SNX7: variants seen among roughly 807,000 people sequenced by gnomAD.
The protein encoded by SNX7 is sorting nexin-7.
SNX7 carries 35 observed loss-of-function variants against 48.4 expected under a neutral mutation model. That is an observed-to-expected ratio of 0.72 (90% CI 0.55 to 0.96). The LOEUF (loss-of-function observed/expected upper bound fraction) is 0.96. Among genes scored for constraint, SNX7 ranks in the 40% least tolerant of loss-of-function variants. SNX7 has a pLI of 0.00. For synonymous variants in SNX7, 190 were observed against 190.2 expected, an observed-to-expected ratio of 1.00 and a Z score of 0.01; for missense variants, 553 against 548.9, an observed-to-expected ratio of 1.01 and a Z score of -0.07.
chr1:98,731,669 C>G (rs1460356666), intron 7 of SNX7, among the ~76,000 whole-genome samples: 1 of 152,062 alleles, frequency 6.6e-6, no homozygotes, highest in African/African-American at 2.4e-5. Flanking sequence ...GTGGTGTAGC[C>G]TGTTGTTCCT....
intron 8 of SNX7, among the ~76,000 whole-genome samples, chr1:98,741,645 A>ATTTGG (rs1287230323): frequency 6.6e-6 from 1 of 152,218 alleles, no homozygotes; most frequent in Non-Finnish European, 1.5e-5. Context: ...ATGATTTCAA[A>ATTTGG]GTATATTGAT....
At chr1:98,724,719 A>G (rs914576734) in intron 7 of SNX7, among the ~76,000 whole-genome samples, 3 of 152,042 alleles carry the variant, frequency 2.0e-5, no homozygotes, top group African/African-American at 4.8e-5. Context: ...TCTTAGAGAG[A>G]GAACTGAAAT....
intron 6 of SNX7, among the ~76,000 whole-genome samples, chr1:98,700,715 G>C (rs1651702981): frequency 6.6e-6 from 1 of 151,990 alleles, no homozygotes; most frequent in Non-Finnish European, 1.5e-5. Flanking sequence ...TGCCTGGCCT[G>C]CTTTGAATGT....
chr1:98,695,221 T>C (rs1014588140), intron 4 of SNX7, among the ~76,000 whole-genome samples: 5 of 152,288 alleles, frequency 3.3e-5, no homozygotes, highest in Non-Finnish European at 1.5e-5. Context: ...TCCTCTAGTA[T>C]CTCATTGAGC....
At chr1:98,742,589 T>C (rs1654125435) in intron 8 of SNX7, among the ~76,000 whole-genome samples, 1 of 152,130 alleles carries the variant, frequency 6.6e-6, no homozygotes, top group Non-Finnish European at 1.5e-5. Flanking sequence ...TATTAGTAAA[T>C]ATATGGAAAT....
chr1:98,718,600 T>C (rs947560519), intron 7 of SNX7, among the ~76,000 whole-genome samples: 1 of 152,132 alleles, frequency 6.6e-6, no homozygotes, highest in African/African-American at 2.4e-5. Flanking sequence ...AAAGATAATA[T>C]ATTCACATGG....
intron 6 of SNX7, among the ~76,000 whole-genome samples, chr1:98,699,727 G>A (rs1031461275): frequency 1.3e-5 from 2 of 152,068 alleles, no homozygotes; most frequent in South Asian, 4.2e-4. Flanking sequence ...CCTTGTTTTG[G>A]TCTGAAAAGC....
chr1:98,681,849 G>A (rs547913106), intron 1 of SNX7, among the ~76,000 whole-genome samples: 45 of 152,310 alleles, frequency 3.0e-4, no homozygotes, highest in Non-Finnish European at 5.1e-4. Context: ...CGGTACTATG[G>A]TTAGGTAGGA....
At chr1:98,743,496 T>A (rs1280277178) in intron 8 of SNX7, among the ~76,000 whole-genome samples, 1 of 152,034 alleles carries the variant, frequency 6.6e-6, no homozygotes, top group African/African-American at 2.4e-5. Flanking sequence ...GGAAAATTTC[T>A]GAAAGATTTT....
chr1:98,711,996 A>G (rs915887336), intron 7 of SNX7, among the ~76,000 whole-genome samples: 1 of 152,176 alleles, frequency 6.6e-6, no homozygotes, highest in Non-Finnish European at 1.5e-5. Flanking sequence ...TTGCTCATCC[A>G]TAAGAAGCAA....
intron 6 of SNX7, among the ~76,000 whole-genome samples, chr1:98,699,865 C>A (rs144964175): frequency 2.0e-5 from 3 of 152,304 alleles, no homozygotes; most frequent in African/African-American, 7.2e-5. Flanking sequence ...TTGGAGTCCT[C>A]CTGTAAACAA....
intron 8 of SNX7, among the ~76,000 whole-genome samples, chr1:98,749,072 G>A (rs921024665): frequency 9.2e-5 from 14 of 152,118 alleles, no homozygotes; most frequent in Non-Finnish European, 2.1e-4. Context: ...TAAACTTCAT[G>A]TAATTGGCTT....
At chr1:98,665,122 G>A (rs1438809180) in intron 1 of SNX7, among the ~76,000 whole-genome samples, 1 of 152,170 alleles carries the variant, frequency 6.6e-6, no homozygotes, top group Non-Finnish European at 1.5e-5. Context: ...CCACAATGAA[G>A]CACTGAGATG....
chr1:98,727,656 C>CTGT (rs925566615), intron 7 of SNX7, among the ~76,000 whole-genome samples: 2 of 151,880 alleles, frequency 1.3e-5, no homozygotes, highest in African/African-American at 4.8e-5. Context: ...ATTACAGGAG[C>CTGT]TGTTAAACAG....
intron 2 of SNX7, among the ~76,000 whole-genome samples, chr1:98,689,366 A>G (rs1650985830): frequency 6.6e-6 from 1 of 152,218 alleles, no homozygotes; most frequent in Non-Finnish European, 1.5e-5. Flanking sequence ...ATCTTACAGT[A>G]GGAAGAAATA....
rs554028385 is a variant in SNX7 at position 98,678,887 on chromosome 1, G to A, written c.181-5998G>A. ...TATCAACATTGAAAAATAAAAAATA[G>A]CAGTATACATATATACACTAATATA... is the stretch of plus-strand genomic sequence containing the variant. On this transcript the variant is annotated intron_variant, in intron 1 of 8. Transcript: ENST00000306121. Among the ~76,000 whole-genome samples the A allele has an allele frequency of 2.6e-5, 4 of 152,138 alleles. No homozygotes were observed. The South Asian group carries it at 8.3e-4, about 32-fold the overall frequency.
intron 7 of SNX7, among the ~76,000 whole-genome samples, chr1:98,725,061 G>T (rs574232805): frequency 1.6e-4 from 24 of 152,282 alleles, no homozygotes; most frequent in South Asian, 8.3e-4. Flanking sequence ...GTATAGGAAA[G>T]TTGGAATATA....
chr1:98,679,878 C>T (rs1198195140), intron 1 of SNX7, among the ~76,000 whole-genome samples: 4 of 152,196 alleles, frequency 2.6e-5, no homozygotes, highest in Non-Finnish European at 2.9e-5. Flanking sequence ...GTGGCTTTTC[C>T]AGAGGCACAG....
chr1:98,680,932 C>T (rs768824865), intron 1 of SNX7, among the ~76,000 whole-genome samples: 23 of 152,212 alleles, frequency 1.5e-4, no homozygotes, highest in Non-Finnish European at 3.1e-4. Flanking sequence ...TCCAAAGTTG[C>T]TTCCACATTT....
Sources: allele counts gnomAD v4.1 joint callset (sites outside exome capture counted in the v4.1 genomes callset), GRCh38; gene constraint gnomAD v4.1.1; transcripts MANE v1.5; gene names NCBI Gene and HGNC (gene_info 2026-07-23, HGNC 2026-07-21).